PDE4D: variants seen among roughly 807,000 people sequenced by gnomAD.
PDE4D encodes phosphodiesterase 4D.
PDE4D carries 24 observed loss-of-function variants against 87.4 expected under a neutral mutation model. The ratio of observed to expected loss-of-function variants is 0.27; its 90% confidence interval spans 0.20 to 0.39. The LOEUF (loss-of-function observed/expected upper bound fraction) is 0.39. Ranked by LOEUF, PDE4D falls within the 10% of genes least tolerant of loss-of-function variation. The pLI is 1.00. For missense variants in PDE4D, 714 were observed against 1,041.0 expected (o/e 0.69, Z 4.32); for synonymous variants, 384 against 383.2 (o/e 1.00, Z -0.02).
At chr5:60,122,868 A>G (rs960387478) in intron 2 of PDE4D, among the ~76,000 whole-genome samples, 5 of 152,166 alleles carry the variant, frequency 3.3e-5, no homozygotes, top group African/African-American at 4.8e-5. Context: ...TCTCTTATAA[A>G]ACTGAGTGCC....
intron 1 of PDE4D, among the ~76,000 whole-genome samples, chr5:60,341,453 C>T (rs1758309224): frequency 6.6e-6 from 1 of 151,972 alleles, no homozygotes; most frequent in African/African-American, 2.4e-5. Context: ...TTACAGTGGT[C>T]AGTTCATGCT....
In PDE4D at chr5:59,780,936, G is replaced by A. The variant is rs186601914; in HGVS notation, c.455+112232C>T. Among the ~76,000 whole-genome samples, 578 of 152,234 alleles carry A rather than the reference G, an allele frequency of 3.8e-3. 5 individuals are homozygous for A. The highest frequency in any genetic ancestry group is 5.9e-3 in the Non-Finnish European group (401 of 68,020). On this transcript the variant is annotated intron_variant, in intron 1 of 14. Coordinates refer to ENST00000340635, the MANE Select transcript of PDE4D (RefSeq NM_001104631.2). The stretch of plus-strand genomic sequence containing the variant: ...AATCCCAGCACTTTGGGAGGCTGAG[G>A]AGGGTGGATCACCTGAGGTCAGGAG...
At chr5:59,341,752 CT>C (rs1185692154) in intron 1 of PDE4D, among the ~76,000 whole-genome samples, 1 of 151,938 alleles carries the variant, frequency 6.6e-6, no homozygotes, top group Non-Finnish European at 1.5e-5. Flanking sequence ...CCTTCTTTTC[CT>C]TTGAATCATG....
At chr5:60,459,633 T>C (rs1009556562) in intron 1 of PDE4D, among the ~76,000 whole-genome samples, 1 of 152,124 alleles carries the variant, frequency 6.6e-6, no homozygotes, top group East Asian at 1.9e-4. Context: ...ACAGTTTTTG[T>C]TCAGACAGAA....
chr5:59,802,869 G>A (rs935127806), intron 1 of PDE4D, among the ~76,000 whole-genome samples: 1 of 152,090 alleles, frequency 6.6e-6, no homozygotes, highest in Non-Finnish European at 1.5e-5. Context: ...GGCAGTGCAG[G>A]GATATAGACA....
At chr5:60,504,741 TA>T (rs1271306373) in intron 1 of PDE4D, among the ~76,000 whole-genome samples, 1 of 152,220 alleles carries the variant, frequency 6.6e-6, no homozygotes, top group Non-Finnish European at 1.5e-5. Context: ...TAATGGCTTT[TA>T]CTTGAAAATT....
intron 10 of PDE4D, 34 bp downstream of exon 10, chr5:58,989,721 G>A (rs1396793883): frequency 6.8e-7 from 1 of 1,470,156 alleles, no homozygotes; most frequent in South Asian, 1.2e-5. Context: ...TGAGTGGCAA[G>A]TTAGTGTTCT....
chr5:59,416,682 C>A (rs1032981357), intron 1 of PDE4D, among the ~76,000 whole-genome samples: 1 of 152,180 alleles, frequency 6.6e-6, no homozygotes, highest in Non-Finnish European at 1.5e-5. Context: ...AAAGTTAGAT[C>A]ATCCAGATGT....
At chr5:60,214,147 AG>A (rs1226244602) in intron 1 of PDE4D, among the ~76,000 whole-genome samples, 2 of 152,210 alleles carry the variant, frequency 1.3e-5, no homozygotes, top group African/African-American at 4.8e-5. Context: ...TTGAGAAGAG[AG>A]TACATACATA....
At chr5:60,414,730 G>T (rs919547521) in intron 1 of PDE4D, among the ~76,000 whole-genome samples, 2 of 152,134 alleles carry the variant, frequency 1.3e-5, no homozygotes, top group African/African-American at 4.8e-5. Context: ...TGGTAATAAG[G>T]AATAACCAAG....
intron 1 of PDE4D, among the ~76,000 whole-genome samples, chr5:59,621,453 G>T (rs958794765): frequency 6.6e-6 from 1 of 152,208 alleles, no homozygotes; most frequent in African/African-American, 2.4e-5. Flanking sequence ...AGTTCACCCA[G>T]GTGAAGGCTT....
At chr5:59,843,763 T>C (rs566422529) in intron 1 of PDE4D, among the ~76,000 whole-genome samples, 1 of 152,144 alleles carries the variant, frequency 6.6e-6, no homozygotes, top group African/African-American at 2.4e-5. Flanking sequence ...CACTGGGTGC[T>C]TGGGAAGGAG....
intron 1 of PDE4D, among the ~76,000 whole-genome samples, chr5:59,619,691 G>A (rs889152918): frequency 2.6e-5 from 4 of 152,140 alleles, no homozygotes; most frequent in African/African-American, 9.7e-5. Context: ...TGTTAGCTAG[G>A]AGCCCATGGA....
At chr5:59,430,894 G>A (rs1027846487) in intron 1 of PDE4D, among the ~76,000 whole-genome samples, 2 of 152,108 alleles carry the variant, frequency 1.3e-5, no homozygotes, top group Non-Finnish European at 2.9e-5. Context: ...TTCGAAGAGG[G>A]AATATTGTTC....
intron 1 of PDE4D, among the ~76,000 whole-genome samples, chr5:59,550,490 CTTTAGTCAATACGCTGAATTTGTTA>C (rs1013329478): frequency 2.0e-5 from 3 of 152,104 alleles, no homozygotes; most frequent in African/African-American, 7.2e-5. Context: ...AATGTCCTGA[CTTTAGTCAATACGCTGAATTTGTTA>C]TCATCTAGTT....
At chr5:60,055,205 C>T (rs1582415538) in intron 2 of PDE4D, among the ~76,000 whole-genome samples, 2 of 151,736 alleles carry the variant, frequency 1.3e-5, no homozygotes, top group East Asian at 1.9e-4. Context: ...TTATAGATTG[C>T]AAATATATAT....
At chr5:60,220,654 T>C (rs965189938) in intron 1 of PDE4D, among the ~76,000 whole-genome samples, 2 of 152,166 alleles carry the variant, frequency 1.3e-5, no homozygotes, top group African/African-American at 4.8e-5. Context: ...TTGTTTGCCA[T>C]GCCATGAACA....
intron 5 of PDE4D, chr5:59,174,551 G>T (rs1007876805): frequency 6.6e-6 from 1 of 152,572 alleles, no homozygotes; most frequent in Non-Finnish European, 1.5e-5. Flanking sequence ...TGCCTCTGGG[G>T]TATAAGCAGT....
intron 1 of PDE4D, among the ~76,000 whole-genome samples, chr5:59,244,581 CATAT>C (rs550701068): frequency 1.4e-5 from 2 of 148,006 alleles, no homozygotes; most frequent in Non-Finnish European, 3.0e-5. Context: ...TATGTATACA[CATAT>C]ATATATACAT....
Sources: gnomAD v4.1 joint callset for allele counts (sites outside exome capture counted in the v4.1 genomes callset) on GRCh38, gnomAD v4.1.1 for gene constraint, MANE v1.5 for transcripts, NCBI Gene and HGNC (gene_info 2026-07-23, HGNC 2026-07-21) for gene names.